BICRA: variants seen among roughly 807,000 people sequenced by gnomAD.
BICRA encodes the protein BRD4 interacting chromatin remodeling complex associated protein, also known as BRD4-interacting chromatin-remodeling complex-associated protein.
BICRA carries 31 observed loss-of-function variants against 96.9 expected under a neutral mutation model. That is an observed-to-expected ratio of 0.32 (90% confidence interval 0.24 to 0.43). The LOEUF is 0.43. Among genes scored for constraint, BICRA ranks in the 20% least tolerant of loss-of-function variants. The probability of loss-of-function intolerance (pLI) is 1.00; values close to 1 mark genes in which losing one functional copy is unlikely to be tolerated. For missense variants in BICRA, 2,283 were observed against 2,190.3 expected (o/e 1.04, Z -0.84); for synonymous variants, 1,350 against 1,071.8 (o/e 1.26, Z -5.07).
intron 1 of BICRA, among the ~76,000 whole-genome samples, chr19:47,610,874 C>T (rs976592831): frequency 1.2e-4 from 19 of 152,096 alleles, no homozygotes; most frequent in Non-Finnish European, 2.6e-4. Context: ...CCTTCCCATG[C>T]ACTGGTAGGA....
intron 1 of BICRA, among the ~76,000 whole-genome samples, chr19:47,650,123 T>G (rs907907869): frequency 1.3e-5 from 2 of 151,894 alleles, no homozygotes; most frequent in African/African-American, 2.4e-5. Context: ...TGGCTAATTT[T>G]TTTGTTTGTT....
chr19:47,659,389 CT>C (rs1972669306), intron 1 of BICRA, among the ~76,000 whole-genome samples: 1 of 152,218 alleles, frequency 6.6e-6, no homozygotes, highest in East Asian at 1.9e-4. Context: ...CCCTGTTTTC[CT>C]TTTCTAGCTT....
At chr19:47,629,949 C>T (rs953824523) in intron 1 of BICRA, among the ~76,000 whole-genome samples, 7 of 152,180 alleles carry the variant, frequency 4.6e-5, no homozygotes, top group African/African-American at 1.4e-4. Flanking sequence ...GCATGAGCCA[C>T]GGCGCCCGGC....
intron 1 of BICRA, chr19:47,663,488 C>T (rs1972733185): frequency 1.3e-5 from 2 of 152,198 alleles, no homozygotes; most frequent in Non-Finnish European, 2.9e-5. Flanking sequence ...TGCAAAATGG[C>T]TGCCACAGCT....
chr19:47,640,573 C>T (rs924148798), intron 1 of BICRA, among the ~76,000 whole-genome samples: 10 of 151,268 alleles, frequency 6.6e-5, no homozygotes, highest in Non-Finnish European at 1.3e-4. Flanking sequence ...GGGAGCTGAC[C>T]TGCCAGTGGA....
chr19:47,608,404 C>G (rs1202028040), upstream of BICRA: 1 of 152,264 alleles, frequency 6.6e-6, no homozygotes, highest in Non-Finnish European at 1.5e-5. Context: ...GAACTCCCCT[C>G]CATCCCCTCC....
At chr19:47,634,924 G>C (rs575104094) in intron 1 of BICRA, among the ~76,000 whole-genome samples, 1 of 151,830 alleles carries the variant, frequency 6.6e-6, no homozygotes, top group East Asian at 1.9e-4. Context: ...CACCATGCCT[G>C]GTTAATTTTT....
At chr19:47,648,566 T>C (rs1297095509) in intron 1 of BICRA, among the ~76,000 whole-genome samples, 2 of 151,302 alleles carry the variant, frequency 1.3e-5, no homozygotes, top group African/African-American at 4.9e-5. Context: ...ACGGCCCTGG[T>C]GACACTCGAG....
At chr19:47,658,083 C>T (rs1972647871) in intron 1 of BICRA, among the ~76,000 whole-genome samples, 1 of 152,148 alleles carries the variant, frequency 6.6e-6, no homozygotes, top group South Asian at 2.1e-4. Flanking sequence ...AACAGTCTTC[C>T]CAAGACAAGA....
At chr19:47,634,649 A>G (rs1972271479) in intron 1 of BICRA, among the ~76,000 whole-genome samples, 1 of 151,620 alleles carries the variant, frequency 6.6e-6, no homozygotes, top group African/African-American at 2.4e-5. Flanking sequence ...GCTTCTCTCC[A>G]TCTCAGTAAA....
At chr19:47,613,333 G>C (rs1971937402) in intron 1 of BICRA, among the ~76,000 whole-genome samples, 1 of 152,184 alleles carries the variant, frequency 6.6e-6, no homozygotes, top group Non-Finnish European at 1.5e-5. Flanking sequence ...CAGGTCTCAA[G>C]AATGCAGAAG....
intron 7 of BICRA, among the ~76,000 whole-genome samples, chr19:47,685,598 T>G (rs1973132792): frequency 6.6e-6 from 1 of 152,178 alleles, no homozygotes; most frequent in Non-Finnish European, 1.5e-5. Context: ...CCTGTGGATA[T>G]GCAGGAATGC....
At position 47,680,645 on chromosome 19, in the gene BICRA, A is replaced by T; in HGVS notation, c.1475A>T (p.Asn492Ile). 1 of 1,609,220 alleles carries T rather than the reference A, an allele frequency of 6.2e-7. No individual in the cohort carries two copies. Among genetic ancestry groups the T allele is most frequent in the Non-Finnish European group, 8.5e-7 (1 of 1,178,018 alleles). Residue 492 changes from asparagine to isoleucine, a missense_variant, in exon 6 of 15, where the codon AAC becomes ATC. Coordinates refer to ENST00000594866, the MANE Select transcript of BICRA (RefSeq NM_001394372.1). ...LPQQLSALPA[N>I]VGGQILAAAA... Reference sequence around the variant, plus strand: ...CAGCAGCTCTCAGCCCTGCCGGCCAACGTGGGCGGGCAGATCCTGGCGGCC... The same window carrying T: ...CAGCAGCTCTCAGCCCTGCCGGCCATCGTGGGCGGGCAGATCCTGGCGGCC...
At chr19:47,623,003 C>T (rs111701415) in intron 1 of BICRA, among the ~76,000 whole-genome samples, 20,645 of 151,336 alleles carry the variant, frequency 0.14, 1,927 homozygotes, top group Middle Eastern at 0.23. Context: ...TGCCACTGCA[C>T]TCCAGCCTGG....
At chr19:47,648,239 C>CT (rs935733283) in intron 1 of BICRA, among the ~76,000 whole-genome samples, 4 of 113,136 alleles carry the variant, frequency 3.5e-5, no homozygotes, top group Non-Finnish European at 7.1e-5. Context: ...CTGTAACCCA[C>CT]CCCGTGCCCT....
intron 1 of BICRA, among the ~76,000 whole-genome samples, chr19:47,647,506 A>G (rs1271206317): frequency 6.6e-6 from 1 of 152,054 alleles, no homozygotes; most frequent in Non-Finnish European, 1.5e-5. Flanking sequence ...ACATTCTAGA[A>G]TGTGTTTTGC....
chr19:47,617,137 T>G (rs1257840977), intron 1 of BICRA, among the ~76,000 whole-genome samples: 3 of 152,046 alleles, frequency 2.0e-5, no homozygotes, highest in Non-Finnish European at 4.4e-5. Context: ...CTATTATTTT[T>G]AAATATTTTA....
intron 7 of BICRA, among the ~76,000 whole-genome samples, chr19:47,693,392 C>T (rs749993898): frequency 1.3e-5 from 2 of 152,214 alleles, no homozygotes; most frequent in Non-Finnish European, 1.5e-5. Context: ...TGCAAGCTCA[C>T]GTGGCGCCCA....
At chr19:47,632,095 C>T (rs1175401146) in intron 1 of BICRA, among the ~76,000 whole-genome samples, 1 of 152,164 alleles carries the variant, frequency 6.6e-6, no homozygotes, top group African/African-American at 2.4e-5. Flanking sequence ...AGATGGGAGC[C>T]ATGGGAGGGC....
Sources: gnomAD v4.1 joint callset for allele counts (sites outside exome capture counted in the v4.1 genomes callset) on GRCh38, gnomAD v4.1.1 for gene constraint, MANE v1.5 for transcripts, NCBI Gene and HGNC (gene_info 2026-07-23, HGNC 2026-07-21) for gene names.